RGS12: variants seen among roughly 807,000 people sequenced by gnomAD.
RGS12 encodes regulator of G-protein signaling 12.
A neutral mutation model predicts 120.1 loss-of-function variants in RGS12; 66 were observed. The observed-to-expected ratio is 0.55, with a 90% CI of 0.45 to 0.67. The LOEUF is 0.67. RGS12 is among the 30% of genes least tolerant of loss of function. RGS12 has a pLI of 0.00. For synonymous variants in RGS12, 827 were observed against 804.7 expected (o/e 1.03, Z -0.47); for missense variants, 1,859 against 1,957.7 (o/e 0.95, Z 0.95).
upstream of RGS12, among the ~76,000 whole-genome samples, chr4:3,292,186 C>CCGGGGAAGGAAGACACGAAGAGGG (rs1723058341): frequency 6.6e-6 from 1 of 152,198 alleles, no homozygotes; most frequent in Non-Finnish European, 1.5e-5. Context: ...AGACCCAGCG[C>CCGGGGAAGGAAGACACGAAGAGGG]CGGGGAAGGA....
Position 3,316,969 on chromosome 4 carries a change from A to G in RGS12, c.799A>G (p.Lys267Glu). 6.2e-7 allele frequency: 1 copy of G among 1,613,896 alleles called. No homozygotes were observed. Among genetic ancestry groups the G allele is most frequent in the East Asian group, 2.2e-5 (1 of 44,878 alleles). The change falls in exon 2 of 18, where the codon AAA becomes GAA. Residue 267 changes from lysine (K) to glutamate (E), a missense_variant. Transcript: ENST00000336727. ...CATGCGGCGCCTGCGGGCAGAGCAGAAAATCCACTCGCTGGTGACCATGAA... is the reference window on the plus strand; with the variant it reads ...CATGCGGCGCCTGCGGGCAGAGCAGGAAATCCACTCGCTGGTGACCATGAA... ...GCMRRLRAEQ[K>E]IHSLVTMKIM... is the part of the protein sequence containing the mutation.
rs772197757 is a variant in RGS12, at chr4:3,422,517, C to G, written c.2980C>G (p.Arg994Gly). ...AGACATCCTGTCCGGACTCTGTGAG[C>G]GGCATGGCATCAACGGGGCGGCCGC... Reference protein sequence around the residue: ...IKDILSGLCERHGINGAAADL... With the variant: ...IKDILSGLCEGHGINGAAADL... The change falls in exon 11 of 18, where the codon CGG (arginine) becomes GGG (glycine). Residue 994 changes from arginine (R) to glycine (G), a missense_variant. Physicochemically the swap from Arg to Gly is moderately radical, Grantham distance 125 (BLOSUM62 -2). Transcript: ENST00000336727. 1.9e-6 allele frequency: 3 copies of G among 1,612,876 alleles called. No homozygotes were observed. In the South Asian group the frequency reaches 3.3e-5, roughly 18 times the overall value.
chr4:3,414,174 G>C lies in RGS12; in HGVS notation c.2123G>C (p.Arg708Thr), dbSNP rs369968915. 84 of 1,554,382 alleles carry C rather than the reference G, an allele frequency of 5.4e-5. No homozygotes were observed. Among genetic ancestry groups the C allele is most frequent in the Non-Finnish European group, 6.2e-5 (72 of 1,154,458 alleles). Residue 708 changes from arginine (R) to threonine (T), a missense_variant, in exon 5 of 18, where the codon AGG (arginine) becomes ACG (threonine). Around this residue, in one of 3 missense-constraint regions of RGS12, gnomAD observed 967 missense variants for 994.2 expected, o/e 0.97. Coordinates refer to ENST00000336727, the MANE Select transcript of RGS12 (RefSeq NM_001394154.1). ...AGCTGCCGGCGCCTGCGTGAGAGGA[G>C]GGTCGCCAGCTGGGCCGTGTCCTTT... is the stretch of plus-strand genomic sequence containing the variant. ...VQSCRRLRER[R>T]VASWAVSFER...
intron 3 of RGS12, among the ~76,000 whole-genome samples, chr4:3,364,027 G>A (rs868585119): frequency 6.6e-5 from 10 of 152,264 alleles, no homozygotes; most frequent in Admixed American, 2.6e-4. Flanking sequence ...GGTTTCAAAC[G>A]CTTCCCTCTC....
intron 3 of RGS12, among the ~76,000 whole-genome samples, chr4:3,352,195 A>T (rs1714421424): frequency 6.6e-6 from 1 of 152,176 alleles, no homozygotes; most frequent in Admixed American, 6.5e-5. Flanking sequence ...GAAGAGACAA[A>T]AGGTCTTTTA....
intron 2 of RGS12, among the ~76,000 whole-genome samples, chr4:3,322,331 G>A (rs1345349876): frequency 2.6e-5 from 4 of 152,114 alleles, no homozygotes; most frequent in Admixed American, 2.6e-4. Context: ...TCTTGAAGTG[G>A]GTGAGATGAT....
chr4:3,423,987 C>T lies in RGS12; in HGVS notation c.3234+346C>T. On this transcript the variant is annotated intron_variant, in intron 13 of 17. Coordinates refer to ENST00000336727, the MANE Select transcript of RGS12 (RefSeq NM_001394154.1). ...TAAGAGAGTGCGGATGGCCCTGCCCCCACTGCACCTGCTGGGCCCGGGCAT... is the reference window on the plus strand; with the variant it reads ...TAAGAGAGTGCGGATGGCCCTGCCCTCACTGCACCTGCTGGGCCCGGGCAT... The T allele has an allele frequency of 1.5e-5, 3 of 194,712 alleles. No homozygotes were observed. In the South Asian group the frequency reaches 3.5e-4, roughly 23 times the overall value. 12.1% of individuals were successfully genotyped at this position (194,712 alleles called of 1,614,324 possible). A position where few individuals can be genotyped will look rare whatever the true frequency, so the allele number is the denominator to read the frequency against.
At chr4:3,373,270 C>T (rs1560124270) in intron 3 of RGS12, among the ~76,000 whole-genome samples, 2 of 152,226 alleles carry the variant, frequency 1.3e-5, no homozygotes, top group Non-Finnish European at 1.5e-5. Context: ...ACGGGCGGGC[C>T]GGCTGGGCCA....
chr4:3,343,428 G>A (rs551431000), intron 3 of RGS12, among the ~76,000 whole-genome samples: 2 of 152,214 alleles, frequency 1.3e-5, no homozygotes, highest in East Asian at 3.9e-4. Context: ...GTCTATCTGT[G>A]TTTCTTTTGT....
chr4:3,295,271 A>G (rs113654964), intron 1 of RGS12, among the ~76,000 whole-genome samples: 1,573 of 152,284 alleles, frequency 0.01, 22 homozygotes, highest in Middle Eastern at 0.034. Context: ...TCCGGCTGAT[A>G]GAAGGGGGCT....
chr4:3,421,646 A>C (rs988631449), intron 10 of RGS12, among the ~76,000 whole-genome samples: 3 of 152,116 alleles, frequency 2.0e-5, no homozygotes, highest in Non-Finnish European at 4.4e-5. Flanking sequence ...CGTTCGCCTC[A>C]CTCAGCGGAG....
At chr4:3,411,920 G>A (rs937972349) in intron 4 of RGS12, among the ~76,000 whole-genome samples, 4 of 152,352 alleles carry the variant, frequency 2.6e-5, no homozygotes, top group South Asian at 2.1e-4. Flanking sequence ...CCCTTCCACC[G>A]CAGCTCGGAG....
intron 1 of RGS12, among the ~76,000 whole-genome samples, chr4:3,304,822 C>T (rs1003074769): frequency 1.3e-5 from 2 of 152,218 alleles, no homozygotes; most frequent in Non-Finnish European, 1.5e-5. Flanking sequence ...TCAAACGACC[C>T]TGGAGCTATT....
chr4:3,434,662 G>A (rs1237875806), intron 17 of RGS12, among the ~76,000 whole-genome samples: 1 of 152,174 alleles, frequency 6.6e-6, no homozygotes, highest in Non-Finnish European at 1.5e-5. Flanking sequence ...AAGGAGAGAG[G>A]CATTCAAAAG....
chr4:3,413,740 T>G, intron 4 of RGS12: 3 of 252,260 alleles, frequency 1.2e-5, no homozygotes, highest in Non-Finnish European at 2.3e-5. Flanking sequence ...GTGGCTGTAG[T>G]TTGTTGTTGC....
chr4:3,414,870 GCT>G, intron 6 of RGS12, 26 bp downstream of exon 6: 1 of 1,546,824 alleles, frequency 6.5e-7, no homozygotes, highest in Non-Finnish European at 8.9e-7. Context: ...GGAAGTGGGG[GCT>G]GTGTGAGAGT....
Position 3,406,738 on chromosome 4 carries a change from G to A in RGS12, c.2021-7334G>A, listed in dbSNP as rs1226476797. Among the ~76,000 whole-genome samples, 6 of 152,238 alleles carry A rather than the reference G, an allele frequency of 3.9e-5. No homozygotes were observed. The East Asian group carries it at 1.2e-3, about 29-fold the overall frequency. On this transcript the variant is annotated intron_variant, in intron 4 of 17. Transcript: ENST00000336727. ...GAGATCCTCTCAGAGATGAGGCCCT[G>A]CTCGGCCTGGGGGCAGGAGCAACAG...
rs115899727 is a variant in RGS12, at chr4:3,399,602, A to G, written c.2020+13165A>G. 8.0e-3 allele frequency among the ~76,000 whole-genome samples: 1,218 copies of G among 152,364 alleles called. 11 individuals are homozygous for G. The highest frequency in any genetic ancestry group is 9.9e-3 in the Non-Finnish European group (673 of 68,032). The stretch of plus-strand genomic sequence containing the variant: ...ACATTTGATTAACCGGACAATCTTT[A>G]GGAAAATATAAATGATCAAAGTTGG... On this transcript the variant is annotated intron_variant, in intron 4 of 17. Coordinates refer to ENST00000336727, the MANE Select transcript of RGS12 (RefSeq NM_001394154.1).
intron 2 of RGS12, among the ~76,000 whole-genome samples, chr4:3,328,764 G>A (rs1237135934): frequency 1.3e-5 from 2 of 152,202 alleles, no homozygotes; most frequent in Non-Finnish European, 2.9e-5. Flanking sequence ...AGCCGGAGCT[G>A]TGTTGGGAGT....
Sources: allele counts gnomAD v4.1 joint callset (sites outside exome capture counted in the v4.1 genomes callset), GRCh38; gene constraint gnomAD v4.1.1; regional missense constraint gnomAD v4.1.1; transcripts MANE v1.5; gene names NCBI Gene and HGNC (gene_info 2026-07-23, HGNC 2026-07-21).